Variants in ITPR1 observed in about 807,000 individuals in gnomAD.
The protein encoded by ITPR1 is inositol 1,4,5-trisphosphate receptor type 1, also known as inositol 1,4,5-trisphosphate-gated calcium channel ITPR1.
Under a neutral mutation model 318.4 loss-of-function variants are expected in ITPR1, and 96 were observed. The ratio of observed to expected loss-of-function variants is 0.30; its 90% CI spans 0.26 to 0.36. The LOEUF (loss-of-function observed/expected upper bound fraction) is 0.36. ITPR1 is among the 10% of genes least tolerant of loss of function. The pLI, the probability that ITPR1 is intolerant of heterozygous loss-of-function variation, is 1.00. For missense variants in ITPR1, 2,440 were observed against 3,460.2 expected, an observed-to-expected ratio of 0.71 and a Z score of 7.40; for synonymous variants, 1,312 against 1,289.9, an observed-to-expected ratio of 1.02 and a Z score of -0.37.
At chr3:4,756,661 T>C (rs573110160) in intron 44 of ITPR1, among the ~76,000 whole-genome samples, 13 of 152,290 alleles carry the variant, frequency 8.5e-5, no homozygotes, top group African/African-American at 2.4e-4. Flanking sequence ...AGATATGATC[T>C]CGTTCTTTTT....
chr3:4,754,343 TTGA>T (rs1045803208), intron 44 of ITPR1, among the ~76,000 whole-genome samples: 1 of 152,142 alleles, frequency 6.6e-6, no homozygotes, highest in Admixed American at 6.5e-5. Context: ...GGAAGAGGAC[TTGA>T]TGATAGAATT....
intron 53 of ITPR1, among the ~76,000 whole-genome samples, chr3:4,795,645 A>AT (rs113468119): frequency 0.039 from 5,976 of 152,026 alleles, 349 homozygotes; most frequent in African/African-American, 0.12. Context: ...TCTCTGGAAT[A>AT]TTTTTTTTGC....
At position 4,813,116 on chromosome 3, in the gene ITPR1, T is replaced by C. The variant is rs537074731; in HGVS notation, c.7469-26T>C. The C allele has an allele frequency of 1.0e-5, 16 of 1,575,014 alleles. No homozygotes were observed. In the South Asian group the frequency reaches 1.8e-4, roughly 17 times the overall value. On this transcript the variant is annotated intron_variant, in intron 56 of 61. Transcript: ENST00000649015. Reference sequence around the variant, plus strand: ...TAACCATATGCTGCCAGATTGTTCATCATAAAATTTCCTTCTCTCTCCCAG... The same window carrying C: ...TAACCATATGCTGCCAGATTGTTCACCATAAAATTTCCTTCTCTCTCCCAG...
intron 44 of ITPR1, among the ~76,000 whole-genome samples, chr3:4,742,740 C>T (rs757652636): frequency 7.9e-5 from 12 of 152,220 alleles, no homozygotes; most frequent in South Asian, 4.2e-4. Context: ...ACTATAGGTG[C>T]GGACCACCAT....
rs2048556434 is a variant in ITPR1 at position 4,806,410 on chromosome 3, T to C, written c.7272+143T>C. 5 of 805,512 alleles carry C rather than the reference T, an allele frequency of 6.2e-6. No homozygotes were observed. In the South Asian group the frequency reaches 7.0e-5, roughly 11 times the overall value. The allele number at this position is 805,512 out of a possible 1,614,324, so 49.9% of individuals were successfully genotyped here. A position where few individuals can be genotyped will look rare whatever the true frequency, so the allele number is the denominator to read the frequency against. On this transcript the variant is annotated intron_variant, in intron 55 of 61. Transcript: ENST00000649015. Reference sequence around the variant, plus strand: ...ATTGAAGCTCCACAGTTGGCAGCCTTTGGGGGATCTGAGAGGAAAGCTCCA... The same window carrying C: ...ATTGAAGCTCCACAGTTGGCAGCCTCTGGGGGATCTGAGAGGAAAGCTCCA...
At chr3:4,629,867 T>A (rs1286187303) in intron 5 of ITPR1, among the ~76,000 whole-genome samples, 1 of 151,956 alleles carries the variant, frequency 6.6e-6, no homozygotes, top group Non-Finnish European at 1.5e-5. Context: ...ACCCATGGGA[T>A]TTAGAGGGTA....
intron 4 of ITPR1, among the ~76,000 whole-genome samples, chr3:4,523,166 A>G (rs534819375): frequency 7.2e-5 from 11 of 152,150 alleles, no homozygotes; most frequent in Non-Finnish European, 1.5e-4. Context: ...TCCGGAAGGC[A>G]TTGCTTGGGT....
At chr3:4,717,443 G>T (rs1442469554) in intron 40 of ITPR1, 44 bp downstream of exon 40, 2 of 1,480,914 alleles carry the variant, frequency 1.4e-6, no homozygotes, top group East Asian at 4.5e-5. Context: ...TCATGGTGGT[G>T]TTTCCGTGAC....
chr3:4,592,899 A>G (rs1454163992), intron 4 of ITPR1, among the ~76,000 whole-genome samples: 1 of 152,110 alleles, frequency 6.6e-6, no homozygotes, highest in Non-Finnish European at 1.5e-5. Flanking sequence ...GAGTGGTGGG[A>G]GACTGGTTCC....
In ITPR1 at chr3:4,626,804, C is replaced by T. The variant is rs1345495565; in HGVS notation, c.164-959C>T. On this transcript the variant is annotated intron_variant, in intron 4 of 61. Transcript: ENST00000649015. Reference sequence around the variant, plus strand: ...GAGACCACTGCCCTAGGAGAGCCCTCCAAATAAGCATCTTATTTATGTATT... The same window carrying T: ...GAGACCACTGCCCTAGGAGAGCCCTTCAAATAAGCATCTTATTTATGTATT... 2.0e-5 allele frequency among the ~76,000 whole-genome samples: 3 copies of T among 152,206 alleles called. No homozygotes were observed. The East Asian group carries it at 5.8e-4, about 29-fold the overall frequency.
chr3:4,733,096 G>T lies in ITPR1; in HGVS notation c.5229G>T (p.Ala1743=), dbSNP rs768828077. The T allele has an allele frequency of 2.5e-6, 4 of 1,612,972 alleles. No homozygotes were observed. The highest frequency in any genetic ancestry group is 3.4e-6 in the Non-Finnish European group (4 of 1,179,432). The change falls in exon 43 of 62, where the codon GCG becomes GCT. Residue 1743 remains alanine, a synonymous_variant. Coordinates refer to ENST00000649015, the MANE Select transcript of ITPR1 (RefSeq NM_001378452.1). ...ATCCTGTTTGAATTAAGGGTGAGGC[G>T]CTCAGGCAAGTTCTGGTCAACCGTT... ...RQLEDHKRGE[A]LRQVLVNRYY... is the part of the protein sequence containing the mutation.
intron 49 of ITPR1, among the ~76,000 whole-genome samples, chr3:4,780,725 GAAGGCCTCTCTGAGTTTACATAAC>G (rs1288929722): frequency 2.0e-5 from 3 of 152,182 alleles, no homozygotes; most frequent in African/African-American, 4.8e-5. Flanking sequence ...GCCCGAGATG[GAAGGCCTCTCTGAGTTTACATAAC>G]AAGCTTATGT....
At chr3:4,562,037 A>AGTAACACTGG (rs2086725600) in intron 4 of ITPR1, among the ~76,000 whole-genome samples, 1 of 152,146 alleles carries the variant, frequency 6.6e-6, no homozygotes, top group East Asian at 1.9e-4. Flanking sequence ...GAATTAGAAG[A>AGTAACACTGG]AGAATTGTCT....
intron 8 of ITPR1, 91 bp from the exon 9 acceptor site, chr3:4,645,296 T>G: frequency 1.2e-6 from 1 of 854,968 alleles, no homozygotes; most frequent in South Asian, 1.4e-5. Context: ...AGTACAGCCT[T>G]GCTTCCTAGG....
chr3:4,564,984 T>C, intron 4 of ITPR1, among the ~76,000 whole-genome samples: 1 of 152,318 alleles, frequency 6.6e-6, no homozygotes, highest in East Asian at 1.9e-4. Context: ...CTCTCACAAA[T>C]GAAAATACGG....
chr3:4,831,670 G>A (rs986474379), intron 60 of ITPR1, among the ~76,000 whole-genome samples: 8 of 152,156 alleles, frequency 5.3e-5, no homozygotes, highest in South Asian at 2.1e-4. Flanking sequence ...ACTGAGACAC[G>A]TTTTTGATCT....
chr3:4,619,219 T>C (rs1344054608), intron 4 of ITPR1, among the ~76,000 whole-genome samples: 2 of 152,124 alleles, frequency 1.3e-5, no homozygotes, highest in Non-Finnish European at 2.9e-5. Flanking sequence ...TAGTCTGAAA[T>C]TTTGCAATGA....
Position 4,681,414 on chromosome 3 carries a change from G to T in ITPR1, c.3157G>T (p.Gly1053Ter). The change falls in exon 26 of 62, where the codon GGA (glycine) becomes TGA (stop). Residue 1053 changes from glycine to a stop codon, truncating the protein, a stop_gained. Coordinates refer to ENST00000649015, the MANE Select transcript of ITPR1 (RefSeq NM_001378452.1). LOFTEE classifies it high-confidence loss of function. ...AGAACAAGCAGAAGGCATCTTTGGA[G>T]GAAGGAAAGTATATTTTCAGTTACT... The part of the protein sequence containing the change: ...IEEQAEGIFG[G>*]SEENTPLDLD... 6.2e-7 allele frequency: 1 copy of T among 1,610,086 alleles called. No homozygotes were observed. The highest frequency in any genetic ancestry group is 8.5e-7 in the Non-Finnish European group (1 of 1,176,594).
At chr3:4,747,965 C>T (rs111391909) in intron 44 of ITPR1, among the ~76,000 whole-genome samples, 3,047 of 152,300 alleles carry the variant, frequency 0.02, 49 homozygotes, top group Middle Eastern at 0.041. Context: ...ACCAGATACT[C>T]CCCACATCTG....
Sources: gnomAD v4.1 joint callset for allele counts (sites outside exome capture counted in the v4.1 genomes callset) on GRCh38, gnomAD v4.1.1 for gene constraint, MANE v1.5 for transcripts, NCBI Gene and HGNC (gene_info 2026-07-23, HGNC 2026-07-21) for gene names.